The following KAT6B variants were observed in gnomAD, a reference collection of about 807,000 sequenced individuals.
KAT6B encodes histone acetyltransferase KAT6B.
A neutral mutation model predicts 187.5 loss-of-function variants in KAT6B; 10 were observed. The observed-to-expected ratio is 0.05, with a 90% CI of 0.03 to 0.09. The LOEUF is 0.09. KAT6B is among the 10% of genes least tolerant of loss of function. The pLI is 1.00. For missense variants in KAT6B, 1,952 were observed against 2,558.9 expected, an observed-to-expected ratio of 0.76 and a Z score of 5.12; for synonymous variants, 861 against 926.8, an observed-to-expected ratio of 0.93 and a Z score of 1.29.
intron 13 of KAT6B, among the ~76,000 whole-genome samples, chr10:74,997,564 G>A (rs1433622942): frequency 6.6e-6 from 1 of 152,010 alleles, no homozygotes; most frequent in Non-Finnish European, 1.5e-5. Context: ...AGTCTCTTAG[G>A]TATAATGGCT....
intron 3 of KAT6B, among the ~76,000 whole-genome samples, chr10:74,893,451 C>G (rs1028036858): frequency 6.6e-6 from 1 of 150,668 alleles, no homozygotes; most frequent in African/African-American, 2.4e-5. Flanking sequence ...GTCTAGAAAT[C>G]AGTGGGTTTT....
intron 13 of KAT6B, among the ~76,000 whole-genome samples, chr10:75,018,006 G>C (rs914963673): frequency 2.6e-5 from 4 of 152,226 alleles, no homozygotes; most frequent in African/African-American, 9.7e-5. Context: ...GAGTCAGAGA[G>C]GAGAGGGAAA....
intron 13 of KAT6B, among the ~76,000 whole-genome samples, chr10:74,996,963 A>G (rs1161548669): frequency 1.3e-5 from 2 of 152,138 alleles, no homozygotes; most frequent in Non-Finnish European, 2.9e-5. Flanking sequence ...AAGATGTTTG[A>G]TGTTTACAAC....
intron 3 of KAT6B, among the ~76,000 whole-genome samples, chr10:74,858,383 CA>C (rs1333394277): frequency 1.3e-5 from 2 of 151,026 alleles, no homozygotes; most frequent in Non-Finnish European, 2.9e-5. Context: ...CTCCTAGGCT[CA>C]AGCACTCCTC....
chr10:74,921,542 G>A lies in KAT6B; in HGVS notation c.622-38428G>A, dbSNP rs138410816. Among the ~76,000 whole-genome samples the A allele has an allele frequency of 1.9e-3, 282 of 152,222 alleles. 2 individuals carry two copies. Among genetic ancestry groups the A allele is most frequent in the African/African-American group, 6.3e-3 (263 of 41,534 alleles). On this transcript the variant is annotated intron_variant, in intron 3 of 17. Coordinates refer to ENST00000287239, the MANE Select transcript of KAT6B (RefSeq NM_012330.4). ...CTGAGTAAGAAGGACATCACTAAGG[G>A]GGTTGTAGCTATACCTTTCTTCTTT...
At chr10:74,825,406 C>A (rs965590391), upstream of KAT6B, among the ~76,000 whole-genome samples, 6 of 150,182 alleles carry the variant, frequency 4.0e-5, no homozygotes, top group Admixed American at 4.0e-4. The surrounding 1 kb of genome is among the most constrained non-coding windows in gnomAD (Gnocchi z 5.0). Context: ...CGGGCTGCGC[C>A]CCCGGCCAGG....
chr10:74,828,556 T>C (rs535399239), intron 1 of KAT6B, among the ~76,000 whole-genome samples: 3 of 148,518 alleles, frequency 2.0e-5, no homozygotes, highest in Non-Finnish European at 4.5e-5. Context: ...TTCTTACTCA[T>C]AAGTTCTTTT....
At chr10:74,911,456 C>T (rs765410376) in intron 3 of KAT6B, among the ~76,000 whole-genome samples, 1 of 151,844 alleles carries the variant, frequency 6.6e-6, no homozygotes, top group Non-Finnish European at 1.5e-5. Context: ...TTAGTAGAGA[C>T]AGGGTTTCAC....
At chr10:74,929,915 T>A (rs1406021897) in intron 3 of KAT6B, among the ~76,000 whole-genome samples, 2 of 151,156 alleles carry the variant, frequency 1.3e-5, no homozygotes, top group African/African-American at 2.4e-5. Context: ...CCTTATATTA[T>A]TTTTCCTTTT....
intron 13 of KAT6B, among the ~76,000 whole-genome samples, chr10:74,990,529 G>T (rs557425494): frequency 3.9e-5 from 6 of 152,064 alleles, no homozygotes; most frequent in Admixed American, 3.9e-4. Flanking sequence ...GAAGAATTTT[G>T]ATTATTTTTC....
chr10:74,882,777 G>A (rs1359373994), intron 3 of KAT6B, among the ~76,000 whole-genome samples: 1 of 152,188 alleles, frequency 6.6e-6, no homozygotes, highest in Non-Finnish European at 1.5e-5. Flanking sequence ...TATTTAAGAA[G>A]CCTGATAAAG....
chr10:74,899,248 A>AATTATTATT (rs67324777), intron 3 of KAT6B, among the ~76,000 whole-genome samples: 9,308 of 142,226 alleles, frequency 0.065, 381 homozygotes, highest in Non-Finnish European at 0.083. Context: ...ATTCTAAATG[A>AATTATTATT]ATTATTATTA....
intron 13 of KAT6B, among the ~76,000 whole-genome samples, chr10:75,011,920 C>A (rs1844634589): frequency 6.6e-6 from 1 of 152,160 alleles, no homozygotes; most frequent in Non-Finnish European, 1.5e-5. Context: ...ACCACTGCTA[C>A]CACTATAGCC....
At chr10:74,945,710 A>T (rs922114835) in intron 3 of KAT6B, among the ~76,000 whole-genome samples, 1 of 152,072 alleles carries the variant, frequency 6.6e-6, no homozygotes, top group Non-Finnish European at 1.5e-5. Context: ...TCAGCCTCCC[A>T]AAGTGCTGGG....
intron 4 of KAT6B, among the ~76,000 whole-genome samples, chr10:74,964,445 G>GT (rs2133576447): frequency 1.3e-5 from 2 of 152,176 alleles, no homozygotes; most frequent in East Asian, 3.9e-4. Context: ...TATTATCTGT[G>GT]TTTTTTCTCT....
Position 74,981,856 on chromosome 10 carries a change from C to T in KAT6B, c.2301C>T (p.His767=). ...AAAGTAAAAATATTTTGCTAAGACA[C>T]TCCAAGAAGTGTGGATGGTTTCATC... ...YMKSKNILLR[H]SKKCGWFHPP... Residue 767 remains histidine (H), a synonymous_variant, in exon 11 of 18, where the codon CAC becomes CAT. Transcript: ENST00000287239. 6.2e-7 allele frequency: 1 copy of T among 1,607,244 alleles called. No individual in the cohort carries two copies. The highest frequency in any genetic ancestry group is 8.5e-7 in the Non-Finnish European group (1 of 1,173,848).
chr10:74,913,540 CA>C (rs1264086527), intron 3 of KAT6B, among the ~76,000 whole-genome samples: 1 of 152,306 alleles, frequency 6.6e-6, no homozygotes, highest in East Asian at 1.9e-4. Context: ...TGAAACTTCA[CA>C]TAAAGGGGGA....
chr10:74,927,228 A>G (rs1190537547), intron 3 of KAT6B, among the ~76,000 whole-genome samples: 1 of 152,192 alleles, frequency 6.6e-6, no homozygotes, highest in Non-Finnish European at 1.5e-5. Flanking sequence ...CATTACTTCA[A>G]ACCCCTCCCT....
intron 17 of KAT6B, among the ~76,000 whole-genome samples, chr10:75,027,477 C>A (rs903907431): frequency 6.6e-6 from 1 of 152,054 alleles, no homozygotes; most frequent in Non-Finnish European, 1.5e-5. Flanking sequence ...TCTAATAAGA[C>A]TATTGTTCTA....
Sources: gnomAD v4.1 joint callset for allele counts (sites outside exome capture counted in the v4.1 genomes callset) on GRCh38, gnomAD v4.1.1 for gene constraint, Gnocchi (gnomAD v3.1) non-coding constraint, MANE v1.5 for transcripts, NCBI Gene and HGNC (gene_info 2026-07-23, HGNC 2026-07-21) for gene names.